Variants in LRRC37A2 observed in about 807,000 individuals in gnomAD.
LRRC37A2 encodes the protein leucine-rich repeat-containing protein 37A2.
LRRC37A2 carries 9 observed loss-of-function variants against 68.8 expected under a neutral mutation model. The observed-to-expected ratio is 0.13, with a 90% confidence interval of 0.08 to 0.23. LRRC37A2 has a LOEUF of 0.23. Ranked by LOEUF, LRRC37A2 falls within the 10% of genes least tolerant of loss-of-function variation. The pLI is 1.00. For missense variants in LRRC37A2, 168 were observed against 950.4 expected (o/e 0.18, Z 10.82); for synonymous variants, 63 against 367.6 (o/e 0.17, Z 9.48).
At chr17:46,462,204 T>G in the LRRC37A2 span, among the ~76,000 whole-genome samples, 1 of 73,066 alleles carries the variant, frequency 1.4e-5, no homozygotes, top group Non-Finnish European at 3.6e-5. Context: ...AAAAACAATT[T>G]CATTTATAGC....
the LRRC37A2 span, among the ~76,000 whole-genome samples, chr17:46,811,224 C>T: frequency 5.9e-5 from 6 of 102,136 alleles, no homozygotes; most frequent in South Asian, 2.4e-4. Context: ...TTCACGGCTG[C>T]GATGCAGGGA....
the LRRC37A2 span, among the ~76,000 whole-genome samples, chr17:47,025,455 T>A: frequency 6.6e-6 from 1 of 152,234 alleles, no homozygotes; most frequent in Non-Finnish European, 1.5e-5. Flanking sequence ...GAGAATAGAC[T>A]GGTATTAAGG....
At chr17:46,826,103 G>C in the LRRC37A2 span, among the ~76,000 whole-genome samples, 2 of 152,230 alleles carry the variant, frequency 1.3e-5, no homozygotes, top group African/African-American at 4.8e-5. Flanking sequence ...GACTTTTGTG[G>C]GGGCACATTA....
the LRRC37A2 span, among the ~76,000 whole-genome samples, chr17:46,712,470 G>T: frequency 6.6e-6 from 1 of 152,192 alleles, no homozygotes; most frequent in East Asian, 1.9e-4. Context: ...TACATAGCCC[G>T]ATAAATGGTG....
the LRRC37A2 span, among the ~76,000 whole-genome samples, chr17:46,766,298 C>T: frequency 6.6e-6 from 1 of 152,064 alleles, no homozygotes; most frequent in South Asian, 2.1e-4. Flanking sequence ...ATCCCAGCTA[C>T]TCGGGAGGCT....
chr17:46,887,892 C>T, the LRRC37A2 span, among the ~76,000 whole-genome samples: 1 of 152,228 alleles, frequency 6.6e-6, no homozygotes, highest in African/African-American at 2.4e-5. Flanking sequence ...GGCGGAGTCC[C>T]TGCTCTTAAA....
the LRRC37A2 span, among the ~76,000 whole-genome samples, chr17:46,713,676 A>G: frequency 6.6e-6 from 1 of 152,248 alleles, no homozygotes; most frequent in African/African-American, 2.4e-5. Flanking sequence ...TAATTAGTTC[A>G]TTAAGTTTAG....
At chr17:46,690,811 A>G in the LRRC37A2 span, among the ~76,000 whole-genome samples, 1 of 28,266 alleles carries the variant, frequency 3.5e-5, no homozygotes, top group Non-Finnish European at 5.6e-5. Flanking sequence ...AGCAAAAATA[A>G]CCATTGAAAA....
chr17:46,952,878 T>C, the LRRC37A2 span: 1 of 152,026 alleles, frequency 6.6e-6, no homozygotes, highest in Non-Finnish European at 1.5e-5. Flanking sequence ...GACCCCTCAG[T>C]GCAAACCTCC....
the LRRC37A2 span, among the ~76,000 whole-genome samples, chr17:46,972,580 C>T: frequency 6.6e-6 from 1 of 152,242 alleles, no homozygotes; most frequent in Non-Finnish European, 1.5e-5. Context: ...GGATGTTGGC[C>T]TCTGCCCATC....
the LRRC37A2 span, among the ~76,000 whole-genome samples, chr17:46,771,922 C>T: frequency 6.9e-5 from 10 of 145,676 alleles, no homozygotes; most frequent in African/African-American, 2.2e-4. Context: ...GGAAGCGCCT[C>T]GGGCCCGCCG....
At chr17:46,541,782 T>C (rs2055369361) in intron 8 of LRRC37A2, among the ~76,000 whole-genome samples, 1 of 150,954 alleles carries the variant, frequency 6.6e-6, no homozygotes, top group African/African-American at 2.5e-5. Flanking sequence ...ATTAGGTACT[T>C]AGAGTATACC....
chr17:46,676,390 G>A, the LRRC37A2 span, among the ~76,000 whole-genome samples: 8 of 135,752 alleles, frequency 5.9e-5, no homozygotes, highest in African/African-American at 9.0e-5. Context: ...GCACCACCAC[G>A]CCCAGCTAAT....
chr17:46,548,649 C>T, exon 10 of LRRC37A2: 1 of 1,605,184 alleles, frequency 6.2e-7, no homozygotes, highest in Non-Finnish European at 8.5e-7. Context: ...TCCTCATGGG[C>T]CCAAGGAGCA....
the LRRC37A2 span, among the ~76,000 whole-genome samples, chr17:46,883,726 C>T: frequency 4.8e-4 from 73 of 152,178 alleles, no homozygotes; most frequent in South Asian, 8.3e-4. Flanking sequence ...GACAGAGAGA[C>T]GGGGTATGAG....
the LRRC37A2 span, among the ~76,000 whole-genome samples, chr17:46,869,491 C>T: frequency 2.0e-5 from 3 of 152,170 alleles, no homozygotes; most frequent in Non-Finnish European, 4.4e-5. Context: ...CACTCCATGC[C>T]AGAAGCACCA....
the LRRC37A2 span, among the ~76,000 whole-genome samples, chr17:47,040,445 T>G: frequency 6.6e-6 from 1 of 151,830 alleles, no homozygotes; most frequent in South Asian, 2.1e-4. Context: ...ATGTAGCAAT[T>G]CTGAAAATCA....
At chr17:46,967,343 G>A in the LRRC37A2 span, among the ~76,000 whole-genome samples, 1 of 152,228 alleles carries the variant, frequency 6.6e-6, no homozygotes, top group Admixed American at 6.5e-5. Context: ...AATGGTAACA[G>A]GAGAGTTAAT....
At chr17:46,826,173 G>A in the LRRC37A2 span, among the ~76,000 whole-genome samples, 2 of 152,250 alleles carry the variant, frequency 1.3e-5, no homozygotes, top group Non-Finnish European at 2.9e-5. Flanking sequence ...AATTTCTAGT[G>A]AAGTCCTGGT....
Sources: allele counts gnomAD v4.1 joint callset (sites outside exome capture counted in the v4.1 genomes callset), GRCh38; gene constraint gnomAD v4.1.1; transcripts MANE v1.5; gene names NCBI Gene and HGNC (gene_info 2026-07-23, HGNC 2026-07-21).